NFIA: variants seen among roughly 807,000 people sequenced by gnomAD.
The protein encoded by NFIA is nuclear factor 1 A-type.
A neutral mutation model predicts 62.8 loss-of-function variants in NFIA; 8 were observed. That is an observed-to-expected ratio of 0.13 (90% CI 0.07 to 0.23). NFIA has a LOEUF of 0.23. Ranked by LOEUF, NFIA falls within the 10% of genes least tolerant of loss-of-function variation. The pLI is 1.00. For missense variants in NFIA, 410 were observed against 642.1 expected (o/e 0.64, Z 3.91); for synonymous variants, 235 against 238.1 (o/e 0.99, Z 0.12).
chr1:61,077,311 T>C, upstream of NFIA: 1 of 307,776 alleles, frequency 3.2e-6, no homozygotes, highest in Non-Finnish European at 5.9e-6. Context: ...CCAGAGCGAA[T>C]CTGAGAACCA....
chr1:61,342,950 T>C (rs1662009334), intron 4 of NFIA, among the ~76,000 whole-genome samples: 1 of 152,260 alleles, frequency 6.6e-6, no homozygotes, highest in Admixed American at 6.5e-5. Context: ...ATAGGGATAA[T>C]GCAAAGATTA....
chr1:61,394,889 A>AT (rs1665187352), intron 7 of NFIA, among the ~76,000 whole-genome samples: 1 of 152,188 alleles, frequency 6.6e-6, no homozygotes, highest in Admixed American at 6.5e-5. Context: ...CAGGCGGATC[A>AT]TTTGAGTTCA....
chr1:61,429,295 TA>T (rs1463755107), intron 10 of NFIA, among the ~76,000 whole-genome samples: 1 of 152,236 alleles, frequency 6.6e-6, no homozygotes, highest in Non-Finnish European at 1.5e-5. Context: ...GATAGAGCTC[TA>T]CTTTATAGAT....
At chr1:61,415,740 A>G (rs1009433044) in intron 9 of NFIA, among the ~76,000 whole-genome samples, 2 of 152,166 alleles carry the variant, frequency 1.3e-5, no homozygotes, top group African/African-American at 4.8e-5. Flanking sequence ...TTAGTTTTTT[A>G]TATATATAAA....
At chr1:61,302,647 A>G (rs920648266) in intron 3 of NFIA, among the ~76,000 whole-genome samples, 1 of 152,224 alleles carries the variant, frequency 6.6e-6, no homozygotes, top group Admixed American at 6.5e-5. Context: ...CTTGTGACCT[A>G]TCTTGTAATC....
chr1:61,096,795 C>T (rs923964295), intron 2 of NFIA, among the ~76,000 whole-genome samples: 8 of 151,916 alleles, frequency 5.3e-5, no homozygotes, highest in Admixed American at 2.6e-4. Flanking sequence ...TTGTGATCTG[C>T]CCACCTCGGC....
At chr1:61,259,361 TCC>T (rs1656613955) in intron 2 of NFIA, among the ~76,000 whole-genome samples, 1 of 152,188 alleles carries the variant, frequency 6.6e-6, no homozygotes, top group African/African-American at 2.4e-5. Context: ...GACTGGCCCT[TCC>T]CCTCTCTGTT....
chr1:61,339,378 A>C (rs898490504), intron 4 of NFIA, among the ~76,000 whole-genome samples: 1 of 152,178 alleles, frequency 6.6e-6, no homozygotes, highest in Non-Finnish European at 1.5e-5. Flanking sequence ...TGGAAGAGAA[A>C]ATTCTGATTG....
At chr1:61,235,493 A>AATAC (rs1414697142) in intron 2 of NFIA, among the ~76,000 whole-genome samples, 2 of 146,676 alleles carry the variant, frequency 1.4e-5, no homozygotes, top group East Asian at 4.2e-4. Flanking sequence ...TAAATAAATA[A>AATAC]ATAAATAAAT....
chr1:61,357,098 C>G (rs1352698287), intron 5 of NFIA, among the ~76,000 whole-genome samples: 2 of 152,372 alleles, frequency 1.3e-5, no homozygotes, highest in East Asian at 1.9e-4. Flanking sequence ...ATAACCTCCA[C>G]CCTTCTCACT....
At chr1:61,177,650 CTATTGT>C (rs1650466583) in intron 2 of NFIA, among the ~76,000 whole-genome samples, 1 of 127,474 alleles carries the variant, frequency 7.8e-6, no homozygotes, top group South Asian at 2.7e-4. Flanking sequence ...AATGTTTTCT[CTATTGT>C]GTGTGTGTGT....
chr1:61,125,242 CAT>C (rs1169479350), intron 2 of NFIA: 2 of 152,130 alleles, frequency 1.3e-5, no homozygotes, highest in Non-Finnish European at 2.9e-5. Flanking sequence ...AATTTATTCA[CAT>C]GTGACATTTG....
intron 2 of NFIA, among the ~76,000 whole-genome samples, chr1:61,099,258 G>C (rs765727917): frequency 3.9e-5 from 6 of 152,142 alleles, no homozygotes; most frequent in Non-Finnish European, 7.4e-5. Flanking sequence ...TGCTGGAGTG[G>C]GGTGGGGACG....
intron 8 of NFIA, among the ~76,000 whole-genome samples, chr1:61,404,882 C>T (rs1021014986): frequency 6.6e-6 from 1 of 152,034 alleles, no homozygotes; most frequent in African/African-American, 2.4e-5. Context: ...TTTTATTTTT[C>T]CTCAAATAAA....
chr1:61,077,660 C>T (rs1646048197), upstream of NFIA: 2 of 1,392,300 alleles, frequency 1.4e-6, no homozygotes, highest in African/African-American at 1.4e-5. Flanking sequence ...TTCTATTTTG[C>T]ATTTATATGA....
At chr1:61,376,465 G>A (rs1306827584) in intron 6 of NFIA, among the ~76,000 whole-genome samples, 1 of 152,092 alleles carries the variant, frequency 6.6e-6, no homozygotes, top group Non-Finnish European at 1.5e-5. Context: ...AAATCTATGT[G>A]ATATTTATTT....
At chr1:61,429,882 T>G (rs1424619367) in intron 10 of NFIA, among the ~76,000 whole-genome samples, 2 of 152,162 alleles carry the variant, frequency 1.3e-5, no homozygotes, top group Non-Finnish European at 2.9e-5. Flanking sequence ...TTCATAGAAA[T>G]GCAAAGTAGA....
chr1:61,200,974 T>C (rs1415067844), intron 2 of NFIA, among the ~76,000 whole-genome samples: 1 of 150,966 alleles, frequency 6.6e-6, no homozygotes, highest in Non-Finnish European at 1.5e-5. Flanking sequence ...TCCTTTCTTA[T>C]AAAACTCCCA....
intron 2 of NFIA, among the ~76,000 whole-genome samples, chr1:61,112,955 G>A (rs568537474): frequency 3.7e-4 from 56 of 152,172 alleles, no homozygotes; most frequent in Non-Finnish European, 6.9e-4. Context: ...ATTAAAATTA[G>A]CATGCTTCAT....
Sources: gnomAD v4.1 joint callset for allele counts (sites outside exome capture counted in the v4.1 genomes callset) on GRCh38, gnomAD v4.1.1 for gene constraint, MANE v1.5 for transcripts, NCBI Gene and HGNC (gene_info 2026-07-23, HGNC 2026-07-21) for gene names.